Variants in CTNNA3 observed in about 807,000 individuals in gnomAD.
CTNNA3 encodes catenin alpha-3.
Under a neutral mutation model 95.7 loss-of-function variants are expected in CTNNA3, and 76 were observed. The observed-to-expected ratio is 0.79, with a 90% CI of 0.66 to 0.96. The LOEUF is 0.96. CTNNA3 is among the 40% of genes least tolerant of loss of function. The probability of loss-of-function intolerance (pLI) is 0.00; values close to 1 mark genes in which losing one functional copy is unlikely to be tolerated. For synonymous variants in CTNNA3, 431 were observed against 374.4 expected (o/e 1.15, Z -1.74); for missense variants, 1,191 against 1,089.8 (o/e 1.09, Z -1.31).
chr10:67,730,149 G>C (rs1243940770), intron 1 of CTNNA3, among the ~76,000 whole-genome samples: 1 of 152,054 alleles, frequency 6.6e-6, no homozygotes, highest in Non-Finnish European at 1.5e-5. Context: ...CTTCATACAT[G>C]TTCTTTTAGA....
chr10:66,004,145 T>C lies in CTNNA3; in HGVS notation c.2160-15348A>G, dbSNP rs544011341. On this transcript the variant is annotated intron_variant, in intron 15 of 17. Coordinates refer to ENST00000433211, the MANE Select transcript of CTNNA3 (RefSeq NM_013266.4). ...AAATCTTGCAGTGAAAGCATCATCA[T>C]AGGTTTTATGTCAGTATGCATCTTA... Among the ~76,000 whole-genome samples the C allele has an allele frequency of 3.9e-5, 6 of 152,354 alleles. No homozygotes were observed. The South Asian group carries it at 1.0e-3, about 26-fold the overall frequency.
chr10:67,554,703 T>A (rs1020910351), intron 3 of CTNNA3, among the ~76,000 whole-genome samples: 5 of 152,208 alleles, frequency 3.3e-5, no homozygotes. Context: ...ATTCTATACG[T>A]TGCCTGTTCA....
intron 11 of CTNNA3, among the ~76,000 whole-genome samples, chr10:66,512,270 T>A (rs941290748): frequency 5.9e-5 from 9 of 152,092 alleles, no homozygotes; most frequent in Non-Finnish European, 1.2e-4. Flanking sequence ...TGTTTTTAAA[T>A]GAGAAGTGAG....
chr10:65,930,934 C>T (rs1433046909), intron 17 of CTNNA3, among the ~76,000 whole-genome samples: 1 of 152,146 alleles, frequency 6.6e-6, no homozygotes, highest in African/African-American at 2.4e-5. Context: ...TACTTATACA[C>T]ATAAGTATAT....
At chr10:67,364,110 C>T (rs778255658) in intron 5 of CTNNA3, among the ~76,000 whole-genome samples, 3 of 152,160 alleles carry the variant, frequency 2.0e-5, no homozygotes, top group Non-Finnish European at 4.4e-5. Context: ...AGCAGCACAT[C>T]AAAAAGCTTA....
intron 7 of CTNNA3, among the ~76,000 whole-genome samples, chr10:66,865,209 TGTGC>T (rs1458155111): frequency 0.02 from 2,013 of 99,184 alleles, 31 homozygotes; most frequent in African/African-American, 0.056. Context: ...GGTGTGTGTG[TGTGC>T]GTGTGTGTGT....
chr10:67,755,461 G>C (rs1270846668), intron 1 of CTNNA3, among the ~76,000 whole-genome samples: 1 of 151,994 alleles, frequency 6.6e-6, no homozygotes, highest in Non-Finnish European at 1.5e-5. Context: ...ACTAAAAATA[G>C]AACTACCATA....
In CTNNA3 at chr10:67,566,043, GTATATATATA is replaced by G. The variant is rs772272609; in HGVS notation, c.293-26384_293-26375del. ...CACACACACACACATATGTGTGTGTGTATATATATATATATATATATATATATATACAAAA... is the reference window on the plus strand; with the variant it reads ...CACACACACACACATATGTGTGTGTGTATATATATATATATATATACAAAA... On this transcript the variant is annotated intron_variant, in intron 3 of 17. Transcript: ENST00000433211. Among the ~76,000 whole-genome samples the G allele has an allele frequency of 4.3e-3, 117 of 26,968 alleles. 13 individuals carry two copies. The highest frequency in any genetic ancestry group is 0.041 in the East Asian group (21 of 518). 17.7% of individuals were successfully genotyped at this position (26,968 alleles called of 152,430 possible). A position where few individuals can be genotyped will look rare whatever the true frequency, so the allele number is the denominator to read the frequency against.
chr10:66,575,897 A>G (rs1295919056), intron 10 of CTNNA3, among the ~76,000 whole-genome samples: 1 of 152,130 alleles, frequency 6.6e-6, no homozygotes, highest in Non-Finnish European at 1.5e-5. Flanking sequence ...AATACCTGTG[A>G]TCACAGCTGT....
intron 7 of CTNNA3, among the ~76,000 whole-genome samples, chr10:66,788,656 G>T (rs1461222950): frequency 6.6e-6 from 1 of 151,968 alleles, no homozygotes; most frequent in East Asian, 1.9e-4. Context: ...AGAGCTAAAT[G>T]AACTAGCTAG....
intron 13 of CTNNA3, among the ~76,000 whole-genome samples, chr10:66,198,258 A>T (rs1460427048): frequency 1.3e-5 from 2 of 152,112 alleles, no homozygotes; most frequent in East Asian, 3.9e-4. Context: ...TTGTGTTGAT[A>T]TATTTTTTCA....
chr10:67,397,000 A>C (rs1483421957), intron 5 of CTNNA3, among the ~76,000 whole-genome samples: 2 of 152,200 alleles, frequency 1.3e-5, no homozygotes, highest in East Asian at 3.8e-4. Flanking sequence ...TTTCCTTTAT[A>C]AATTACCCAG....
intron 11 of CTNNA3, among the ~76,000 whole-genome samples, chr10:66,483,594 T>A (rs1839618972): frequency 6.6e-6 from 1 of 152,168 alleles, no homozygotes; most frequent in South Asian, 2.1e-4. Context: ...TCTTTATTTG[T>A]TGTCTTTACC....
At chr10:66,876,433 G>C (rs1197672857) in intron 7 of CTNNA3, among the ~76,000 whole-genome samples, 1 of 152,094 alleles carries the variant, frequency 6.6e-6, no homozygotes, top group Non-Finnish European at 1.5e-5. Context: ...ACTTCTAAAA[G>C]TCACTATTTC....
At chr10:67,013,490 C>G (rs921060550) in intron 7 of CTNNA3, among the ~76,000 whole-genome samples, 11 of 152,168 alleles carry the variant, frequency 7.2e-5, no homozygotes, top group East Asian at 5.8e-4. Context: ...ATTTCAAAGT[C>G]CATTCACGTG....
At chr10:66,182,376 C>CGGG (rs1384409323) in intron 13 of CTNNA3, among the ~76,000 whole-genome samples, 1 of 152,040 alleles carries the variant, frequency 6.6e-6, no homozygotes, top group Non-Finnish European at 1.5e-5. Flanking sequence ...CTGCCTCAGC[C>CGGG]TCCCAAGTAG....
At chr10:66,367,678 G>A (rs1165574170) in intron 12 of CTNNA3, among the ~76,000 whole-genome samples, 1 of 149,416 alleles carries the variant, frequency 6.7e-6, no homozygotes. Context: ...GCTGATAGCA[G>A]TGGAAGCCGA....
intron 1 of CTNNA3, among the ~76,000 whole-genome samples, chr10:67,676,524 T>C (rs1489467875): frequency 6.6e-6 from 1 of 152,172 alleles, no homozygotes; most frequent in Non-Finnish European, 1.5e-5. Context: ...GGGAATCCAG[T>C]ATCTCTCTTG....
intron 7 of CTNNA3, among the ~76,000 whole-genome samples, chr10:67,132,709 T>C (rs1180599076): frequency 6.6e-6 from 1 of 152,016 alleles, no homozygotes; most frequent in Non-Finnish European, 1.5e-5. Flanking sequence ...AAAAATGTCG[T>C]ATATATACAC....
Sources: allele counts gnomAD v4.1 joint callset (sites outside exome capture counted in the v4.1 genomes callset), GRCh38; gene constraint gnomAD v4.1.1; transcripts MANE v1.5; gene names NCBI Gene and HGNC (gene_info 2026-07-23, HGNC 2026-07-21).